Variants in SNAPC1 observed in about 807,000 individuals in gnomAD.
SNAPC1 encodes the protein snRNA-activating protein complex subunit 1.
SNAPC1 carries 42 observed loss-of-function variants against 50.1 expected under a neutral mutation model. The observed-to-expected ratio is 0.84, with a 90% confidence interval of 0.65 to 1.08. The LOEUF (loss-of-function observed/expected upper bound fraction) is 1.08, where lower values mean the gene tolerates loss of function less well. SNAPC1 is among the 50% of genes least tolerant of loss of function. SNAPC1 has a pLI of 0.00. For missense variants in SNAPC1, 477 were observed against 427.3 expected, an observed-to-expected ratio of 1.12 and a Z score of -1.02; for synonymous variants, 164 against 144.2, an observed-to-expected ratio of 1.14 and a Z score of -0.98.
intron 4 of SNAPC1, among the ~76,000 whole-genome samples, chr14:61,769,095 C>G (rs112344029): frequency 5.3e-5 from 8 of 152,280 alleles, no homozygotes; most frequent in African/African-American, 1.9e-4. Flanking sequence ...CATGGTGGCT[C>G]ACACCTGTAA....
chr14:61,794,193 T>G (rs771037462), intron 9 of SNAPC1, among the ~76,000 whole-genome samples: 7 of 152,146 alleles, frequency 4.6e-5, no homozygotes, highest in Non-Finnish European at 1.0e-4. Flanking sequence ...TTTCTTCTTC[T>G]TAGTACTGGC....
intron 1 of SNAPC1, 69 bp from the exon 2 acceptor site, chr14:61,766,807 A>G (rs1201580825): frequency 1.2e-6 from 1 of 859,920 alleles, no homozygotes; most frequent in Non-Finnish European, 1.9e-6. Flanking sequence ...AAACAAGTAT[A>G]TACTTTTGGC....
At chr14:61,774,308 A>G (rs926278449) in intron 4 of SNAPC1, among the ~76,000 whole-genome samples, 3 of 151,726 alleles carry the variant, frequency 2.0e-5, no homozygotes, top group Non-Finnish European at 2.9e-5. Context: ...GGCTTCTTTA[A>G]TCTTCTATAG....
At chr14:61,762,981 C>CTTTTTTTTTTTTTTTTTTTTT (rs145378546) in intron 1 of SNAPC1, among the ~76,000 whole-genome samples, 1 of 72,992 alleles carries the variant, frequency 1.4e-5, no homozygotes, top group African/African-American at 5.3e-5. Flanking sequence ...CCAAAGTTGT[C>CTTTTTTTTTTTTTTTTTTTTT]TTTTTTTTTT....
chr14:61,767,674 G>T (rs1017107548), intron 3 of SNAPC1, among the ~76,000 whole-genome samples: 1 of 152,148 alleles, frequency 6.6e-6, no homozygotes, highest in South Asian at 2.1e-4. Flanking sequence ...ATGTTGTCCA[G>T]GATGGTCTTG....
At chr14:61,787,181 G>A (rs966855434) in intron 8 of SNAPC1, among the ~76,000 whole-genome samples, 1 of 152,202 alleles carries the variant, frequency 6.6e-6, no homozygotes, top group African/African-American at 2.4e-5. Context: ...CTTTTGGGGT[G>A]ATGGAAATCT....
chr14:61,783,677 A>G (rs970216494), intron 8 of SNAPC1, among the ~76,000 whole-genome samples: 5 of 151,656 alleles, frequency 3.3e-5, no homozygotes, highest in Admixed American at 6.6e-5. Context: ...CTGGGACTAC[A>G]GGCGCCCACC....
intron 4 of SNAPC1, among the ~76,000 whole-genome samples, chr14:61,773,571 T>A (rs2045011174): frequency 6.6e-6 from 1 of 151,630 alleles, no homozygotes; most frequent in African/African-American, 2.4e-5. Flanking sequence ...ATTTTTTGTA[T>A]TTTTTTAGTA....
At chr14:61,793,818 G>A (rs993930203) in intron 9 of SNAPC1, among the ~76,000 whole-genome samples, 1 of 151,620 alleles carries the variant, frequency 6.6e-6, no homozygotes, top group Admixed American at 6.6e-5. Flanking sequence ...CATCATGCCC[G>A]GCTCATTTTT....
chr14:61,786,112 G>T (rs2045114319), intron 8 of SNAPC1, among the ~76,000 whole-genome samples: 1 of 152,090 alleles, frequency 6.6e-6, no homozygotes, highest in Non-Finnish European at 1.5e-5. Flanking sequence ...AAGAACTAAA[G>T]ACCAATATCC....
At position 61,776,086 on chromosome 14, in the gene SNAPC1, T is replaced by G; in HGVS notation, c.535-9T>G. The stretch of plus-strand genomic sequence containing the variant: ...TGAAGAAATAAAGGACTCATCTTTT[T>G]GCTTTTAGGAAATGCTGAATGTTCA... On this transcript the variant is annotated splice_polypyrimidine_tract_variant and intron_variant, in intron 4 of 9. Transcript: ENST00000216294. 6.4e-7 allele frequency: 1 copy of G among 1,569,858 alleles called. No homozygotes were observed. The highest frequency in any genetic ancestry group is 8.6e-7 in the Non-Finnish European group (1 of 1,164,858).
intron 7 of SNAPC1, among the ~76,000 whole-genome samples, chr14:61,781,987 A>G (rs1028416286): frequency 6.6e-6 from 1 of 152,224 alleles, no homozygotes; most frequent in Non-Finnish European, 1.5e-5. Context: ...ACCATGCCAG[A>G]TAATAGAACA....
intron 1 of SNAPC1, among the ~76,000 whole-genome samples, chr14:61,764,249 C>T (rs1175527615): frequency 6.6e-6 from 1 of 152,176 alleles, no homozygotes; most frequent in Non-Finnish European, 1.5e-5. Flanking sequence ...TACCATAGTA[C>T]ATATAATATT....
At chr14:61,779,864 A>T (rs1429428815) in intron 7 of SNAPC1, among the ~76,000 whole-genome samples, 1 of 152,074 alleles carries the variant, frequency 6.6e-6, no homozygotes, top group Admixed American at 6.5e-5. Flanking sequence ...ATGCATCACC[A>T]CGCATGGCTA....
intron 5 of SNAPC1, among the ~76,000 whole-genome samples, chr14:61,777,263 T>C (rs1348519223): frequency 6.6e-6 from 1 of 152,236 alleles, no homozygotes. Context: ...ACTTTATTCC[T>C]CTGCATTTAT....
intron 1 of SNAPC1, among the ~76,000 whole-genome samples, chr14:61,764,470 CATTT>C (rs1477748124): frequency 5.3e-5 from 8 of 151,862 alleles, no homozygotes; most frequent in Non-Finnish European, 1.0e-4. Flanking sequence ...TACTACATGC[CATTT>C]ATTTATAGCT....
At chr14:61,779,756 T>A (rs540157420) in intron 7 of SNAPC1, among the ~76,000 whole-genome samples, 2 of 144,672 alleles carry the variant, frequency 1.4e-5, no homozygotes, top group Non-Finnish European at 3.0e-5. Context: ...TTGCCCAGGC[T>A]GGAGTGCAAT....
intron 4 of SNAPC1, among the ~76,000 whole-genome samples, chr14:61,775,832 A>G (rs773536783): frequency 1.4e-4 from 21 of 152,144 alleles, no homozygotes; most frequent in Non-Finnish European, 2.6e-4. Context: ...TCTTTCCCCA[A>G]TGTCTTCCCC....
chr14:61,767,862 C>A (rs2044960273), intron 3 of SNAPC1, among the ~76,000 whole-genome samples: 1 of 152,198 alleles, frequency 6.6e-6, no homozygotes, highest in Non-Finnish European at 1.5e-5. Context: ...TCACTGCAAC[C>A]TCCGCCTCCA....
Sources: gnomAD v4.1 joint callset for allele counts (sites outside exome capture counted in the v4.1 genomes callset) on GRCh38, gnomAD v4.1.1 for gene constraint, MANE v1.5 for transcripts, NCBI Gene and HGNC (gene_info 2026-07-23, HGNC 2026-07-21) for gene names.